SCAPER: variants seen among roughly 807,000 people sequenced by gnomAD.
SCAPER encodes the protein S-phase cyclin A associated protein in the ER.
SCAPER carries 98 observed loss-of-function variants against 182.2 expected under a neutral mutation model. The observed-to-expected ratio is 0.54, with a 90% CI of 0.46 to 0.64. The LOEUF is 0.64. Among genes scored for constraint, SCAPER ranks in the 30% least tolerant of loss-of-function variants. The probability of loss-of-function intolerance (pLI) is 0.00; values close to 1 mark genes in which losing one functional copy is unlikely to be tolerated. For missense variants in SCAPER, 1,432 were observed against 1,690.0 expected, an observed-to-expected ratio of 0.85 and a Z score of 2.68; for synonymous variants, 605 against 564.6, an observed-to-expected ratio of 1.07 and a Z score of -1.01.
At chr15:76,573,930 A>G (rs1329439800) in intron 23 of SCAPER, among the ~76,000 whole-genome samples, 1 of 152,154 alleles carries the variant, frequency 6.6e-6, no homozygotes, top group Non-Finnish European at 1.5e-5. Flanking sequence ...AACATGACTG[A>G]GGAAACCATG....
At chr15:76,689,757 A>C (rs1328734436) in intron 20 of SCAPER, among the ~76,000 whole-genome samples, 2 of 152,002 alleles carry the variant, frequency 1.3e-5, no homozygotes, top group Non-Finnish European at 2.9e-5. Context: ...AGAATACCAG[A>C]GAAGGCTGCT....
At chr15:76,479,127 T>A (rs2050893782) in intron 24 of SCAPER, among the ~76,000 whole-genome samples, 1 of 152,038 alleles carries the variant, frequency 6.6e-6, no homozygotes, top group Admixed American at 6.6e-5. Flanking sequence ...CACAAAACTC[T>A]CCTGAGAAAC....
chr15:76,754,341 G>A (rs1043657559), intron 14 of SCAPER, among the ~76,000 whole-genome samples: 1 of 151,966 alleles, frequency 6.6e-6, no homozygotes, highest in Non-Finnish European at 1.5e-5. Context: ...TGAATATAGT[G>A]TATAATTCTT....
At chr15:76,353,647 C>T (rs2040758339) in intron 30 of SCAPER, among the ~76,000 whole-genome samples, 1 of 152,162 alleles carries the variant, frequency 6.6e-6, no homozygotes, top group South Asian at 2.1e-4. Context: ...ATAGTTAAAG[C>T]CTTAAAGAAG....
chr15:76,474,878 A>T (rs1482985298), intron 24 of SCAPER, among the ~76,000 whole-genome samples: 1 of 152,126 alleles, frequency 6.6e-6, no homozygotes, highest in African/African-American at 2.4e-5. Context: ...GACTAAGTTG[A>T]TGGGAGCCAG....
At chr15:76,880,118 T>C (rs1372827471) in intron 2 of SCAPER, among the ~76,000 whole-genome samples, 2 of 152,198 alleles carry the variant, frequency 1.3e-5, no homozygotes, top group African/African-American at 2.4e-5. Context: ...TTTTATTATT[T>C]TGTATGAAAA....
chr15:76,430,594 C>A (rs1412201155), intron 26 of SCAPER, among the ~76,000 whole-genome samples: 1 of 152,198 alleles, frequency 6.6e-6, no homozygotes, highest in African/African-American at 2.4e-5. Context: ...GGGCCTGTAG[C>A]CCCTTTGTTT....
chr15:76,562,407 G>A (rs1272682561), intron 23 of SCAPER, among the ~76,000 whole-genome samples: 1 of 152,004 alleles, frequency 6.6e-6, no homozygotes, highest in Non-Finnish European at 1.5e-5. Flanking sequence ...AATAACCTAG[G>A]ACTAGTGTCC....
At chr15:76,889,303 G>A (rs186703888) in intron 1 of SCAPER, among the ~76,000 whole-genome samples, 215 of 152,254 alleles carry the variant, frequency 1.4e-3, no homozygotes, top group African/African-American at 5.1e-3. Context: ...CATAATGACA[G>A]GATCAAATTC....
chr15:76,586,935 AT>A (rs1040493673), intron 22 of SCAPER, among the ~76,000 whole-genome samples: 2 of 150,658 alleles, frequency 1.3e-5, no homozygotes, highest in Non-Finnish European at 1.5e-5. Flanking sequence ...CTGGTCCTGG[AT>A]TTTTTTTTGT....
At chr15:76,587,255 T>A (rs944242848) in intron 22 of SCAPER, among the ~76,000 whole-genome samples, 1 of 152,192 alleles carries the variant, frequency 6.6e-6, no homozygotes, top group Non-Finnish European at 1.5e-5. Flanking sequence ...GTTTCATTTA[T>A]CTGTTGTATT....
At chr15:76,434,977 A>T (rs903981880) in intron 25 of SCAPER, among the ~76,000 whole-genome samples, 1 of 152,252 alleles carries the variant, frequency 6.6e-6, no homozygotes, top group Admixed American at 6.5e-5. Flanking sequence ...GAATGGGACA[A>T]TATTTGGTAA....
intron 26 of SCAPER, among the ~76,000 whole-genome samples, chr15:76,412,924 GT>G (rs764830551): frequency 8.2e-4 from 124 of 152,136 alleles, no homozygotes; most frequent in Non-Finnish European, 1.6e-3. Context: ...GTAATGCTTT[GT>G]AGAGGTGTTG....
At chr15:76,719,846 T>TA (rs937587326) in intron 17 of SCAPER, among the ~76,000 whole-genome samples, 5 of 151,562 alleles carry the variant, frequency 3.3e-5, no homozygotes, top group East Asian at 1.9e-4. Context: ...TAGAAAACGC[T>TA]AAAAAAAATC....
At chr15:76,732,477 G>A (rs1431186581) in intron 16 of SCAPER, among the ~76,000 whole-genome samples, 1 of 152,128 alleles carries the variant, frequency 6.6e-6, no homozygotes, top group Non-Finnish European at 1.5e-5. Context: ...AGACAAGAGT[G>A]AGAGCCTTCT....
chr15:76,682,685 C>T (rs894911431), intron 20 of SCAPER, among the ~76,000 whole-genome samples: 1 of 152,128 alleles, frequency 6.6e-6, no homozygotes, highest in Non-Finnish European at 1.5e-5. Context: ...ACCAGAAATA[C>T]TTCAGCCCCT....
At chr15:76,757,598 G>C (rs2062527420) in intron 14 of SCAPER, among the ~76,000 whole-genome samples, 1 of 152,090 alleles carries the variant, frequency 6.6e-6, no homozygotes, top group Non-Finnish European at 1.5e-5. Flanking sequence ...TTTTGATCCA[G>C]ATTTCAATTC....
chr15:76,535,745 C>CTA (rs2044103433), intron 23 of SCAPER, among the ~76,000 whole-genome samples: 1 of 151,902 alleles, frequency 6.6e-6, no homozygotes, highest in South Asian at 2.1e-4. Context: ...TCTGCATAGT[C>CTA]TATATGGGCT....
In SCAPER at chr15:76,404,715, A is replaced by C. The variant is rs898264439; in HGVS notation, c.3312-36T>G. On this transcript the variant is annotated intron_variant, in intron 26 of 31. Coordinates refer to ENST00000563290, the MANE Select transcript of SCAPER (RefSeq NM_020843.4). ...GGGAGAAATGCATGTTATCAATCTGAATAGGCCAGCAACATCTTCACCTTC... is the reference window on the plus strand; with the variant it reads ...GGGAGAAATGCATGTTATCAATCTGCATAGGCCAGCAACATCTTCACCTTC... 5 of 1,590,270 alleles carry C rather than the reference A, an allele frequency of 3.1e-6. No homozygotes were observed. The African/African-American group carries it at 5.4e-5, about 17-fold the overall frequency.
Sources: allele counts gnomAD v4.1 joint callset (sites outside exome capture counted in the v4.1 genomes callset), GRCh38; gene constraint gnomAD v4.1.1; transcripts MANE v1.5; gene names NCBI Gene and HGNC (gene_info 2026-07-23, HGNC 2026-07-21).